The following CDK5RAP3 variants were observed in gnomAD, a reference collection of about 807,000 sequenced individuals.
CDK5RAP3 encodes CDK5 regulatory subunit-associated protein 3.
In CDK5RAP3, 58 loss-of-function variants were observed where a neutral mutation model predicts 73.3. The ratio of observed to expected loss-of-function variants is 0.79; its 90% CI spans 0.64 to 0.98. The LOEUF is 0.98. Among genes scored for constraint, CDK5RAP3 ranks in the 50% least tolerant of loss-of-function variants. The pLI, the probability that CDK5RAP3 is intolerant of heterozygous loss-of-function variation, is 0.00. For missense variants in CDK5RAP3, 525 were observed against 615.8 expected (o/e 0.85, Z 1.56); for synonymous variants, 224 against 247.5 (o/e 0.91, Z 0.89).
intron 5 of CDK5RAP3, 158 bp from the exon 6 acceptor site, chr17:47,975,000 AG>A: frequency 1.3e-6 from 2 of 1,546,484 alleles, no homozygotes; most frequent in South Asian, 1.2e-5. Flanking sequence ...GTTGGATTAG[AG>A]GGGTTAAACA....
At chr17:47,978,570 T>TCCA (rs939069683) in intron 10 of CDK5RAP3, 3 of 470,486 alleles carry the variant, frequency 6.4e-6, no homozygotes, top group African/African-American at 5.9e-5. Context: ...CCTCCTGCGG[T>TCCA]CCACCAGAGC....
intron 1 of CDK5RAP3, 83 bp from the exon 2 acceptor site, chr17:47,971,279 T>C: frequency 3.2e-6 from 5 of 1,547,224 alleles, no homozygotes; most frequent in Non-Finnish European, 4.4e-6. Flanking sequence ...TGCAGGGTGG[T>C]GGTTGGGACG....
upstream of CDK5RAP3, among the ~76,000 whole-genome samples, chr17:47,968,969 T>C (rs1390384029): frequency 2.6e-5 from 4 of 152,044 alleles, no homozygotes; most frequent in Non-Finnish European, 5.9e-5. Flanking sequence ...ATATTTCATA[T>C]AGGGAGAGTT....
At position 47,975,986 on chromosome 17, in the gene CDK5RAP3, G is replaced by A. The variant is rs938912587; in HGVS notation, c.771G>A (p.Glu257=). 1 of 1,614,154 alleles carries A rather than the reference G, an allele frequency of 6.2e-7. No homozygotes were observed. Among genetic ancestry groups the A allele is most frequent in the African/African-American group, 1.3e-5 (1 of 75,064 alleles). The change falls in exon 8 of 14, where the codon GAG becomes GAA. Residue 257 remains glutamate (E), a synonymous_variant. Coordinates refer to ENST00000338399, the MANE Select transcript of CDK5RAP3 (RefSeq NM_176096.3). ...TGGTGGAACGACCCCACCTCGAGGA[G>A]CTTCCTGAGCAGGTGGCAGAAGATG... ...PSVVERPHLE[E]LPEQVAEDAI...
chr17:47,972,654 C>G (rs974509124), intron 2 of CDK5RAP3, among the ~76,000 whole-genome samples: 5 of 122,584 alleles, frequency 4.1e-5, no homozygotes, highest in African/African-American at 1.4e-4. Context: ...AATAAAATGA[C>G]CACCATTCAT....
chr17:47,970,855 C>A, upstream of CDK5RAP3: 1 of 1,414,214 alleles, frequency 7.1e-7, no homozygotes, highest in Non-Finnish European at 9.4e-7. Context: ...CTGTCGCAAT[C>A]CCACGGCCGC....
At chr17:47,980,889 A>T in intron 12 of CDK5RAP3, 91 bp downstream of exon 12, 1 of 1,320,764 alleles carries the variant, frequency 7.6e-7, no homozygotes, top group Non-Finnish European at 1.1e-6. Context: ...CTTAAACCCC[A>T]TCCCTGCCTC....
At chr17:47,970,245 T>G (rs1450022008), upstream of CDK5RAP3, among the ~76,000 whole-genome samples, 2 of 152,154 alleles carry the variant, frequency 1.3e-5, no homozygotes, top group Non-Finnish European at 2.9e-5. Flanking sequence ...CTTTCCACCC[T>G]TACAGCCTCT....
chr17:47,975,932 C>T lies in CDK5RAP3; in HGVS notation c.717C>T (p.Tyr239=), dbSNP rs376737457. Residue 239 remains tyrosine, a synonymous_variant, in exon 8 of 14, where the codon TAC becomes TAT. Coordinates refer to ENST00000338399, the MANE Select transcript of CDK5RAP3 (RefSeq NM_176096.3). ...AGAAGCGGGGAAACTCAACGGTGTA[C>T]GAGTGGAGGACAGGGACAGAGCCCT... ...FVQKRGNSTV[Y]EWRTGTEPSV... is the part of the protein sequence containing the mutation. The T allele has an allele frequency of 5.9e-5, 96 of 1,614,130 alleles. No individual in the cohort carries two copies. The highest frequency in any genetic ancestry group is 2.3e-4 in the Admixed American group (14 of 60,026).
chr17:47,980,333 A>G (rs991730444), intron 11 of CDK5RAP3: 2 of 476,316 alleles, frequency 4.2e-6, no homozygotes, highest in Admixed American at 6.8e-5. Context: ...CAGTGCAGCA[A>G]TCATAGCTCA....
rs868485132 is a variant in CDK5RAP3 at position 47,974,756 on chromosome 17, G to A, written c.334+308G>A. ...GTGTGCTGCCCCCACCCCCACCCCC[G>A]CACCCCCATTCTACACAAGGCAGAA... On this transcript the variant is annotated intron_variant, in intron 5 of 13. Coordinates refer to ENST00000338399, the MANE Select transcript of CDK5RAP3 (RefSeq NM_176096.3). 1.5e-4 allele frequency: 97 copies of A among 662,950 alleles called. 1 individual carries two copies. Among genetic ancestry groups the A allele is most frequent in the Middle Eastern group, 6.1e-4 (1 of 1,638 alleles). 41.1% of individuals were successfully genotyped at this position (662,950 alleles called of 1,614,324 possible). A position where few individuals can be genotyped will look rare whatever the true frequency, so the allele number is the denominator to read the frequency against.
intron 5 of CDK5RAP3, 28 bp downstream of exon 5, chr17:47,974,476 G>A (rs2036346239): frequency 6.2e-7 from 1 of 1,613,994 alleles, no homozygotes. Flanking sequence ...GGGAGCCCTG[G>A]TATCCATGGG....
intron 5 of CDK5RAP3, 112 bp downstream of exon 5, chr17:47,974,560 G>A (rs2036348944): frequency 6.4e-7 from 1 of 1,571,956 alleles, no homozygotes; most frequent in South Asian, 1.1e-5. Flanking sequence ...AGACTGGAGT[G>A]TAGATGTTGC....
At chr17:47,972,260 G>T (rs577828594) in intron 2 of CDK5RAP3, among the ~76,000 whole-genome samples, 3 of 152,232 alleles carry the variant, frequency 2.0e-5, no homozygotes, top group East Asian at 1.9e-4. Flanking sequence ...GTCAGGGAAG[G>T]CCTCTTCATC....
Position 47,978,413 on chromosome 17 carries a change from T to A in CDK5RAP3, c.989-416T>A, listed in dbSNP as rs546958206. ...GTTGAGAGTTTAGAAACTCTCAACT[T>A]TTTAGAGACCACATGTGGGCCAGCT... On this transcript the variant is annotated intron_variant, in intron 10 of 13. Transcript: ENST00000338399. 5.9e-5 allele frequency: 10 copies of A among 169,312 alleles called. No individual in the cohort carries two copies. The South Asian group carries it at 1.5e-3, about 25-fold the overall frequency. 10.5% of individuals were successfully genotyped at this position (169,312 alleles called of 1,614,324 possible).
Position 47,975,578 on chromosome 17 carries a change from T to A in CDK5RAP3, c.578T>A (p.Ile193Asn). 6.2e-7 allele frequency: 1 copy of A among 1,610,402 alleles called. No individual in the cohort carries two copies. Among genetic ancestry groups the A allele is most frequent in the Non-Finnish European group, 8.5e-7 (1 of 1,180,010 alleles). ...GACCTGCCGAGTCAGCTGGCTGAGA[T>A]TGGGGCAGCGGCTCAGCAGTCCCTG... Reference protein sequence around the residue: ...VKDLPSQLAEIGAAAQQSLGE... With the variant: ...VKDLPSQLAENGAAAQQSLGE... The change falls in exon 7 of 14, where the codon ATT (isoleucine) becomes AAT (asparagine). Residue 193 changes from isoleucine to asparagine, a missense_variant. Physicochemically the swap from Ile to Asn is moderately radical, Grantham distance 149. This residue lies in a region of CDK5RAP3 where 409 missense variants were observed against 429.8 expected (regional missense o/e 0.95). Coordinates refer to ENST00000338399, the MANE Select transcript of CDK5RAP3 (RefSeq NM_176096.3).
intron 7 of CDK5RAP3, 44 bp downstream of exon 7, chr17:47,975,697 G>C: frequency 6.4e-7 from 1 of 1,573,100 alleles, no homozygotes; most frequent in South Asian, 1.2e-5. Context: ...CTTTGCCTGT[G>C]TTCCCCAGCT....
Position 47,975,340 on chromosome 17 carries a change from GAGCGGCGGCAGCCTCTTCGC to G in CDK5RAP3, c.513+7_513+26del. On this transcript the variant is annotated splice_donor_5th_base_variant and intron_variant, in intron 6 of 13. Coordinates refer to ENST00000338399, the MANE Select transcript of CDK5RAP3 (RefSeq NM_176096.3). ...CCTGCAAGCAGTATGGCATCACGGT[GAGCGGCGGCAGCCTCTTCGC>G]AGCCAGAGGACACCTGGGCCCCTGC... 6.2e-7 allele frequency: 1 copy of G among 1,613,182 alleles called. No individual in the cohort carries two copies. Among genetic ancestry groups the G allele is most frequent in the African/African-American group, 1.3e-5 (1 of 75,046 alleles).
At position 47,981,235 on chromosome 17, in the gene CDK5RAP3, G is replaced by A; in HGVS notation, c.1356G>A (p.Glu452=). 2 of 1,614,256 alleles carry A rather than the reference G, an allele frequency of 1.2e-6. No individual in the cohort carries two copies. The highest frequency in any genetic ancestry group is 2.2e-5 in the East Asian group (1 of 44,888). ...CCCAGCTGCTGGCTTTGAAGAAAGA[G>A]CTGATGGTGCAGAAGCAGCAGGAGG... ...KQSQLLALKK[E]LMVQKQQEAL... Residue 452 remains glutamate (E), a synonymous_variant, in exon 13 of 14, where the codon GAG becomes GAA. Coordinates refer to ENST00000338399, the MANE Select transcript of CDK5RAP3 (RefSeq NM_176096.3).
Sources: allele counts gnomAD v4.1 joint callset (sites outside exome capture counted in the v4.1 genomes callset), GRCh38; gene constraint gnomAD v4.1.1; regional missense constraint gnomAD v4.1.1; transcripts MANE v1.5; gene names NCBI Gene and HGNC (gene_info 2026-07-23, HGNC 2026-07-21).